Variants in ZNF462 observed in about 807,000 individuals in gnomAD.
The protein encoded by ZNF462 is zinc finger PBX1-interacting protein.
Under a neutral mutation model 201.9 loss-of-function variants are expected in ZNF462, and 10 were observed. The observed-to-expected ratio is 0.05, with a 90% CI of 0.03 to 0.08. ZNF462 has a LOEUF of 0.08. ZNF462 is among the 10% of genes least tolerant of loss of function. ZNF462 has a pLI of 1.00. For synonymous variants in ZNF462, 1,227 were observed against 1,193.3 expected, an observed-to-expected ratio of 1.03 and a Z score of -0.58; for missense variants, 2,523 against 3,168.3, an observed-to-expected ratio of 0.80 and a Z score of 4.89.
At chr9:106,941,715 A>G (rs769761732) in intron 7 of ZNF462, among the ~76,000 whole-genome samples, 3 of 152,272 alleles carry the variant, frequency 2.0e-5, no homozygotes, top group Non-Finnish European at 4.4e-5. Context: ...ATTCACATGA[A>G]TGAATAATTC....
chr9:106,962,704 G>A lies in ZNF462; in HGVS notation c.6428-9301G>A, dbSNP rs565307251. ...AGGTTTTGTTTTTACTCATCAGAAT[G>A]ACAGGAAGTTTTCAGTGTGTGTTTC... On this transcript the variant is annotated intron_variant, in intron 7 of 12. Coordinates refer to ENST00000277225, the MANE Select transcript of ZNF462 (RefSeq NM_021224.6). The surrounding 1 kb of genome is among the most constrained non-coding windows in gnomAD (Gnocchi z 4.6). Among the ~76,000 whole-genome samples the A allele has an allele frequency of 6.6e-6, 1 of 152,084 alleles. No homozygotes were observed. Among genetic ancestry groups the A allele is most frequent in the Admixed American group, 6.6e-5 (1 of 15,250 alleles).
chr9:106,989,253 C>T (rs1232145794), intron 10 of ZNF462, among the ~76,000 whole-genome samples: 3 of 151,892 alleles, frequency 2.0e-5, no homozygotes, highest in Non-Finnish European at 1.5e-5. Flanking sequence ...TTAAAGCAAT[C>T]CTGGATATTG....
chr9:106,934,946 C>T (rs1052816881), intron 5 of ZNF462, among the ~76,000 whole-genome samples: 1 of 152,130 alleles, frequency 6.6e-6, no homozygotes, highest in Non-Finnish European at 1.5e-5. Context: ...ACTGTGCCTC[C>T]ATATTAATAT....
rs1273562644 is a variant in ZNF462 at position 106,905,499 on chromosome 9, C to G, written c.-30-17855C>G. Among the ~76,000 whole-genome samples the G allele has an allele frequency of 6.6e-6, 1 of 152,060 alleles. No individual in the cohort carries two copies. The highest frequency in any genetic ancestry group is 2.4e-5 in the African/African-American group (1 of 41,382). ...CCTAGAATCCCCAAGATTATATGCC[C>G]TTTGTCTTCCACTACTAGGGTGGGT... On this transcript the variant is annotated intron_variant, in intron 1 of 12. Coordinates refer to ENST00000277225, the MANE Select transcript of ZNF462 (RefSeq NM_021224.6). The surrounding 1 kb of genome is among the most constrained non-coding windows in gnomAD (Gnocchi z 5.9).
intron 1 of ZNF462, among the ~76,000 whole-genome samples, chr9:106,874,821 C>T (rs1251895843): frequency 1.3e-5 from 2 of 152,176 alleles, no homozygotes; most frequent in African/African-American, 4.8e-5. Flanking sequence ...ATCCCTGCCC[C>T]ATGGTTGACT....
intron 5 of ZNF462, among the ~76,000 whole-genome samples, chr9:106,934,973 A>G (rs886516833): frequency 1.3e-5 from 2 of 152,168 alleles, no homozygotes; most frequent in Non-Finnish European, 2.9e-5. Context: ...TGGCAACAAG[A>G]CAGCCCATTG....
At position 106,981,793 on chromosome 9, in the gene ZNF462, G is replaced by A. The variant is rs1454731670; in HGVS notation, c.6833-2393G>A. Among the ~76,000 whole-genome samples the A allele has an allele frequency of 6.6e-6, 1 of 152,182 alleles. No individual in the cohort carries two copies. Among genetic ancestry groups the A allele is most frequent in the African/African-American group, 2.4e-5 (1 of 41,460 alleles). On this transcript the variant is annotated intron_variant, in intron 9 of 12. Transcript: ENST00000277225. This position sits in a 1 kb window ranked among gnomAD's most constrained non-coding sequence, Gnocchi z 4.0. The stretch of plus-strand genomic sequence containing the variant: ...AACTGATTATTAATTGTGGAGAAGT[G>A]AAGACTGGAGAGTCACTGAATGACT...
chr9:106,924,984 A>G lies in ZNF462; in HGVS notation c.1072A>G (p.Asn358Asp). The change falls in exon 3 of 13, where the codon AAC becomes GAC. Residue 358 changes from asparagine to aspartate, a missense_variant. This residue lies in a region of ZNF462 where 480 missense variants were observed against 544.4 expected (regional missense o/e 0.88). Transcript: ENST00000277225. The surrounding 1 kb of genome is among the most constrained non-coding windows in gnomAD (Gnocchi z 6.2). ...PKSPHNSGLV[N>D]LTERSRYGMT... ...GTCACCTCACAATTCTGGTCTAGTTAACTTGACAGAGAGATCCCGTTATGG... is the reference window on the plus strand; with the variant it reads ...GTCACCTCACAATTCTGGTCTAGTTGACTTGACAGAGAGATCCCGTTATGG... The G allele has an allele frequency of 6.2e-7, 1 of 1,614,220 alleles. No homozygotes were observed. The highest frequency in any genetic ancestry group is 2.2e-5 in the East Asian group (1 of 44,892).
intron 10 of ZNF462, among the ~76,000 whole-genome samples, chr9:106,988,970 TATC>T (rs768510698): frequency 1.3e-5 from 2 of 152,148 alleles, no homozygotes; most frequent in African/African-American, 2.4e-5. Flanking sequence ...TAAATGATCA[TATC>T]ATCAGCAAAC....
chr9:106,936,326 G>A (rs1588084698), intron 6 of ZNF462, among the ~76,000 whole-genome samples: 1 of 152,284 alleles, frequency 6.6e-6, no homozygotes, highest in Non-Finnish European at 1.5e-5. Flanking sequence ...GTCCTAAAGG[G>A]GAGGCATTGT....
intron 1 of ZNF462, among the ~76,000 whole-genome samples, chr9:106,864,354 A>T (rs1379996457): frequency 6.6e-6 from 1 of 151,760 alleles, no homozygotes. Context: ...TCCTCTGAGG[A>T]AGGGAGAAAG....
rs1827195947 is a variant in ZNF462 at position 106,978,706 on chromosome 9, T to TAA, written c.6832+4434_6832+4435insAA. 1 of 152,110 alleles carries TAA rather than the reference T, an allele frequency of 6.6e-6. No individual in the cohort carries two copies. The highest frequency in any genetic ancestry group is 2.4e-5 in the African/African-American group (1 of 40,882). 9.4% of individuals were successfully genotyped at this position (152,110 alleles called of 1,614,324 possible). A position where few individuals can be genotyped will look rare whatever the true frequency, so the allele number is the denominator to read the frequency against. On this transcript the variant is annotated intron_variant, in intron 9 of 12. Coordinates refer to ENST00000277225, the MANE Select transcript of ZNF462 (RefSeq NM_021224.6). This position sits in a 1 kb window ranked among gnomAD's most constrained non-coding sequence, Gnocchi z 4.1. ...TTGAACACCCACTATATGCCAGCCT[T>TAA]ATTTTGTTTTTGGCTTTTTGAAGGA...
upstream of ZNF462, among the ~76,000 whole-genome samples, chr9:106,860,907 C>G (rs944197171): frequency 6.6e-6 from 1 of 152,002 alleles, no homozygotes; most frequent in Non-Finnish European, 1.5e-5. This position sits in a 1 kb window ranked among gnomAD's most constrained non-coding sequence, Gnocchi z 7.1. Context: ...CATTTCAATC[C>G]GGAACAGCCT....
At chr9:106,976,729 G>A (rs915021670) in intron 9 of ZNF462, 1 of 152,214 alleles carries the variant, frequency 6.6e-6, no homozygotes, top group South Asian at 2.1e-4. Flanking sequence ...AATGGTTACT[G>A]TTGCCGGTTG....
At chr9:106,907,430 T>C (rs1031108566) in intron 1 of ZNF462, among the ~76,000 whole-genome samples, 8 of 145,126 alleles carry the variant, frequency 5.5e-5, no homozygotes, top group African/African-American at 2.2e-4. Context: ...TCATTGATAT[T>C]GTTTCTTCTT....
At position 106,924,976 on chromosome 9, in the gene ZNF462, G is replaced by A. The variant is rs73522973; in HGVS notation, c.1064G>A (p.Gly355Asp). The change falls in exon 3 of 13, where the codon GGT becomes GAT. Residue 355 changes from glycine to aspartate, a missense_variant. This residue lies in a region of ZNF462 where 480 missense variants were observed against 544.4 expected (regional missense o/e 0.88). Transcript: ENST00000277225. This position sits in a 1 kb window ranked among gnomAD's most constrained non-coding sequence, Gnocchi z 6.2. The part of the protein sequence containing the change: ...QMKPKSPHNS[G>D]LVNLTERSRY... ...AAGCCGAAGTCACCTCACAATTCTG[G>A]TCTAGTTAACTTGACAGAGAGATCC... 208 of 1,614,114 alleles carry A rather than the reference G, an allele frequency of 1.3e-4. No individual in the cohort carries two copies. The African/African-American group carries it at 2.3e-3, about 18-fold the overall frequency.
chr9:106,992,359 G>C (rs1206309530), intron 10 of ZNF462, among the ~76,000 whole-genome samples: 1 of 152,086 alleles, frequency 6.6e-6, no homozygotes, highest in Non-Finnish European at 1.5e-5. Flanking sequence ...GTGTTGGCAA[G>C]TATGTAGACA....
chr9:106,862,558 G>T (rs373946513), upstream of ZNF462, among the ~76,000 whole-genome samples: 4 of 149,802 alleles, frequency 2.7e-5, no homozygotes, highest in Non-Finnish European at 3.0e-5. This position sits in a 1 kb window ranked among gnomAD's most constrained non-coding sequence, Gnocchi z 4.2. Context: ...CTTCTCCTTT[G>T]CCTCCTTCTC....
upstream of ZNF462, among the ~76,000 whole-genome samples, chr9:106,861,568 G>C (rs1827067604): frequency 6.6e-6 from 1 of 152,212 alleles, no homozygotes; most frequent in African/African-American, 2.4e-5. Context: ...TCTCTCCTGA[G>C]GCTGTTGATG....
Sources: gnomAD v4.1 joint callset for allele counts (sites outside exome capture counted in the v4.1 genomes callset) on GRCh38, gnomAD v4.1.1 for gene constraint, gnomAD v4.1.1 regional missense constraint, Gnocchi (gnomAD v3.1) non-coding constraint, MANE v1.5 for transcripts, NCBI Gene and HGNC (gene_info 2026-07-23, HGNC 2026-07-21) for gene names.